The following SLC4A4 variants were observed in gnomAD, a reference collection of about 807,000 sequenced individuals.
SLC4A4 encodes solute carrier family 4 member 4, also known as electrogenic sodium bicarbonate cotransporter 1.
In SLC4A4, 27 loss-of-function variants were observed where a neutral mutation model predicts 111.5. That is an observed-to-expected ratio of 0.24 (90% CI 0.18 to 0.33). The LOEUF (loss-of-function observed/expected upper bound fraction) is 0.33. SLC4A4 is among the 10% of genes least tolerant of loss of function. The pLI is 1.00. For synonymous variants in SLC4A4, 443 were observed against 463.4 expected (o/e 0.96, Z 0.57); for missense variants, 909 against 1,315.5 (o/e 0.69, Z 4.78).
intron 1 of SLC4A4, among the ~76,000 whole-genome samples, chr4:71,086,833 C>T (rs1005728714): frequency 4.6e-5 from 7 of 151,936 alleles, no homozygotes; most frequent in Non-Finnish European, 7.4e-5. Context: ...ATTTTTGCAT[C>T]GATGTTCATC....
At chr4:71,436,539 C>A (rs1286305014) in intron 7 of SLC4A4, among the ~76,000 whole-genome samples, 1 of 152,036 alleles carries the variant, frequency 6.6e-6, no homozygotes, top group Non-Finnish European at 1.5e-5. Context: ...CACATGTACC[C>A]CAGAACTTAA....
intron 2 of SLC4A4, among the ~76,000 whole-genome samples, chr4:71,132,777 A>G (rs1023460101): frequency 1.3e-5 from 2 of 152,202 alleles, no homozygotes; most frequent in Non-Finnish European, 2.9e-5. Context: ...TTCCTTTTCC[A>G]CTATTGGCCA....
intron 3 of SLC4A4, among the ~76,000 whole-genome samples, chr4:71,299,666 G>C (rs537044744): frequency 2.0e-5 from 3 of 152,224 alleles, no homozygotes; most frequent in African/African-American, 7.2e-5. Context: ...GGGAGCCAGC[G>C]TTGTGGAGAG....
chr4:71,304,265 A>T (rs1725509891), intron 3 of SLC4A4, among the ~76,000 whole-genome samples: 1 of 152,218 alleles, frequency 6.6e-6, no homozygotes, highest in Admixed American at 6.5e-5. Context: ...GCTGTCTGCA[A>T]GCTTGAGACC....
At chr4:71,386,583 T>G (rs1049654958) in intron 6 of SLC4A4, among the ~76,000 whole-genome samples, 2 of 151,748 alleles carry the variant, frequency 1.3e-5, no homozygotes, top group African/African-American at 4.9e-5. Context: ...TGAGGTTTTT[T>G]CTTTTCTTTT....
rs1377243488 is a variant in SLC4A4, at chr4:71,347,725, A to G, written c.390-2187A>G. Among the ~76,000 whole-genome samples, 6 of 152,190 alleles carry G rather than the reference A, an allele frequency of 3.9e-5. 1 individual carries two copies. The highest frequency in any genetic ancestry group is 3.9e-4 in the Admixed American group (6 of 15,268). ...TTTTTTAAGTAATAGAATTGGCAGT[A>G]CAGGCTGTTGGCAGCTGATAGAAGT... On this transcript the variant is annotated intron_variant, in intron 4 of 25. Transcript: ENST00000264485.
At chr4:71,173,153 G>A (rs141024893) in intron 2 of SLC4A4, among the ~76,000 whole-genome samples, 3 of 152,308 alleles carry the variant, frequency 2.0e-5, no homozygotes, top group Non-Finnish European at 4.4e-5. Context: ...ACTCTCATGT[G>A]AGATAGCTGT....
At chr4:71,206,798 GATTATT>G (rs368280879) in intron 1 of SLC4A4, among the ~76,000 whole-genome samples, 14 of 150,294 alleles carry the variant, frequency 9.3e-5, no homozygotes, top group East Asian at 3.9e-4. Context: ...CATTCATTTT[GATTATT>G]ATTATTATTA....
chr4:71,267,216 G>T (rs531286755), intron 3 of SLC4A4, among the ~76,000 whole-genome samples: 1 of 152,260 alleles, frequency 6.6e-6, no homozygotes, highest in Non-Finnish European at 1.5e-5. Context: ...TCTACCTTTG[G>T]TATGTACTGT....
chr4:71,473,460 C>T (rs1728074527), intron 14 of SLC4A4: 1 of 215,214 alleles, frequency 4.6e-6, no homozygotes, highest in Non-Finnish European at 9.3e-6. Flanking sequence ...AAAAGAAATT[C>T]AGATTGGAAT....
At chr4:71,368,013 ACT>A (rs1731484710) in intron 6 of SLC4A4, among the ~76,000 whole-genome samples, 2 of 152,184 alleles carry the variant, frequency 1.3e-5, no homozygotes, top group African/African-American at 4.8e-5. Context: ...TGCCTTGTTT[ACT>A]GCCTTGATCA....
At position 71,357,171 on chromosome 4, in the gene SLC4A4, T is replaced by G. The variant is rs1284226419; in HGVS notation, c.714T>G (p.Phe238Leu). ...GKTVSSASRM[F>L]TNPDNGSPAM... ...CAGTCTCCAGTGCAAGTAGGATGTT[T>G]ACCAACCCTGATAATGGTAATGCAG... The change falls in exon 6 of 26, where the codon TTT (phenylalanine) becomes TTG (leucine). Residue 238 changes from phenylalanine (F) to leucine (L), a missense_variant. Coordinates refer to ENST00000264485, the MANE Select transcript of SLC4A4 (RefSeq NM_001098484.3). 2 of 1,614,076 alleles carry G rather than the reference T, an allele frequency of 1.2e-6. No individual in the cohort carries two copies. The highest frequency in any genetic ancestry group is 1.7e-6 in the Non-Finnish European group (2 of 1,180,036).
At chr4:71,464,641 C>A (rs1295710791) in intron 12 of SLC4A4, among the ~76,000 whole-genome samples, 2 of 152,060 alleles carry the variant, frequency 1.3e-5, no homozygotes, top group Non-Finnish European at 2.9e-5. Context: ...ATGAGAGAAG[C>A]CAATCTTACT....
At chr4:71,326,619 G>A (rs1484796601) in intron 3 of SLC4A4, among the ~76,000 whole-genome samples, 1 of 152,042 alleles carries the variant, frequency 6.6e-6, no homozygotes, top group Non-Finnish European at 1.5e-5. Flanking sequence ...CGAAGCATTT[G>A]TAAAGTGCCT....
At chr4:71,323,023 T>C (rs1241736166) in intron 3 of SLC4A4, among the ~76,000 whole-genome samples, 1 of 151,908 alleles carries the variant, frequency 6.6e-6, no homozygotes, top group Non-Finnish European at 1.5e-5. Flanking sequence ...TAAAGGCAAG[T>C]GCTGTAAGAT....
At chr4:71,107,828 C>T (rs1449504995) in intron 2 of SLC4A4, among the ~76,000 whole-genome samples, 5 of 151,498 alleles carry the variant, frequency 3.3e-5, no homozygotes, top group South Asian at 4.2e-4. Flanking sequence ...CTGCCTCAGC[C>T]GCCTGAGTAG....
At chr4:71,548,373 G>C (rs1412550727) in intron 20 of SLC4A4, among the ~76,000 whole-genome samples, 1 of 151,752 alleles carries the variant, frequency 6.6e-6, no homozygotes, top group Non-Finnish European at 1.5e-5. Flanking sequence ...TTGATGGGTT[G>C]GATATCTGCC....
intron 1 of SLC4A4, among the ~76,000 whole-genome samples, chr4:71,089,042 A>G (rs1049263299): frequency 2.0e-5 from 3 of 152,116 alleles, no homozygotes; most frequent in African/African-American, 7.3e-5. Context: ...TCGGTACACC[A>G]GTCAGAGGTA....
chr4:71,179,664 AAGG>A, intron 2 of SLC4A4, among the ~76,000 whole-genome samples: 1 of 152,304 alleles, frequency 6.6e-6, no homozygotes, highest in South Asian at 2.1e-4. Flanking sequence ...GGACCCCTTC[AAGG>A]AGAACTACAA....
Sources: gnomAD v4.1 joint callset for allele counts (sites outside exome capture counted in the v4.1 genomes callset) on GRCh38, gnomAD v4.1.1 for gene constraint, MANE v1.5 for transcripts, NCBI Gene and HGNC (gene_info 2026-07-23, HGNC 2026-07-21) for gene names.